The following MCTP1 variants were observed in gnomAD, a reference collection of about 807,000 sequenced individuals.
The protein encoded by MCTP1 is multiple C2 and transmembrane domain-containing protein 1.
Under a neutral mutation model 120.6 loss-of-function variants are expected in MCTP1, and 69 were observed. That is an observed-to-expected ratio of 0.57 (90% CI 0.47 to 0.70). MCTP1 has a LOEUF of 0.70. MCTP1 is among the 30% of genes least tolerant of loss of function. The pLI, the probability that MCTP1 is intolerant of heterozygous loss-of-function variation, is 0.00. For synonymous variants in MCTP1, 529 were observed against 493.1 expected, an observed-to-expected ratio of 1.07 and a Z score of -0.96; for missense variants, 1,203 against 1,248.8, an observed-to-expected ratio of 0.96 and a Z score of 0.55.
chr5:94,868,162 C>T (rs1797173290), intron 17 of MCTP1, 171 bp downstream of exon 17: 2 of 491,872 alleles, frequency 4.1e-6, no homozygotes, highest in South Asian at 1.3e-4. Flanking sequence ...TAGACTCAGA[C>T]CTTGTACAAT....
intron 1 of MCTP1, among the ~76,000 whole-genome samples, chr5:95,114,345 C>T (rs976471319): frequency 1.3e-5 from 2 of 152,226 alleles, no homozygotes; most frequent in Non-Finnish European, 2.9e-5. Flanking sequence ...ACCAAGCAGG[C>T]TATTGGGGTC....
intron 1 of MCTP1, among the ~76,000 whole-genome samples, chr5:95,177,800 G>A (rs943969966): frequency 6.6e-6 from 1 of 152,164 alleles, no homozygotes; most frequent in African/African-American, 2.4e-5. Context: ...AACCCAAGCT[G>A]GTTGAGATCA....
intron 1 of MCTP1, among the ~76,000 whole-genome samples, chr5:95,096,138 C>A (rs576083797): frequency 2.0e-5 from 3 of 152,186 alleles, no homozygotes; most frequent in Non-Finnish European, 4.4e-5. Flanking sequence ...ATTTGAAAAG[C>A]GCACACCAAT....
At chr5:95,030,933 G>A (rs376196774) in intron 1 of MCTP1, among the ~76,000 whole-genome samples, 3 of 151,476 alleles carry the variant, frequency 2.0e-5, no homozygotes, top group Admixed American at 6.6e-5. Flanking sequence ...AACAATTCAG[G>A]ATATGAAAGA....
intron 6 of MCTP1, among the ~76,000 whole-genome samples, chr5:94,928,634 T>A (rs1043810391): frequency 1.3e-5 from 2 of 152,184 alleles, no homozygotes; most frequent in Non-Finnish European, 2.9e-5. Context: ...ATAGAAAGTG[T>A]GCTTGTGGAA....
rs137855703 is a variant in MCTP1, at chr5:95,152,589, A to G, written c.720+131267T>C. ...AGTGAGTCTAGACCAGTTTAGCTTC[A>G]TTAACGAGGGTTATCGTTAAATTTG... On this transcript the variant is annotated intron_variant, in intron 1 of 22. Transcript: ENST00000515393. Among the ~76,000 whole-genome samples, 1,370 of 152,334 alleles carry G rather than the reference A, an allele frequency of 9.0e-3. 12 individuals carry two copies. Among genetic ancestry groups the G allele is most frequent in the Middle Eastern group, 0.027 (8 of 294 alleles).
At chr5:95,194,263 G>A (rs1750140897) in intron 1 of MCTP1, among the ~76,000 whole-genome samples, 1 of 151,980 alleles carries the variant, frequency 6.6e-6, no homozygotes, top group Admixed American at 6.6e-5. Context: ...AAAAAGAGAA[G>A]AGAAGAGAAA....
chr5:94,782,919 A>G (rs1250758282), intron 18 of MCTP1, among the ~76,000 whole-genome samples: 1 of 152,164 alleles, frequency 6.6e-6, no homozygotes, highest in Non-Finnish European at 1.5e-5. Context: ...GGAATATCAC[A>G]GATCGGCTCT....
intron 1 of MCTP1, among the ~76,000 whole-genome samples, chr5:95,187,869 T>C (rs1404553307): frequency 6.6e-6 from 1 of 152,050 alleles, no homozygotes; most frequent in African/African-American, 2.4e-5. Flanking sequence ...ACTGAAAGAG[T>C]ATAATTGGAT....
rs1034123979 is a variant in MCTP1, at chr5:95,147,710, T to C, written c.721-130226A>G. Among the ~76,000 whole-genome samples, 7 of 152,216 alleles carry C rather than the reference T, an allele frequency of 4.6e-5. No individual in the cohort carries two copies. The East Asian group carries it at 1.2e-3, about 25-fold the overall frequency. On this transcript the variant is annotated intron_variant, in intron 1 of 22. Transcript: ENST00000515393. Reference sequence around the variant, plus strand: ...TTAGATCATTTATATTCATGGTTAGTATTGACATGTAAGATTTTGATACTC... The same window carrying C: ...TTAGATCATTTATATTCATGGTTAGCATTGACATGTAAGATTTTGATACTC...
intron 2 of MCTP1, among the ~76,000 whole-genome samples, chr5:94,954,011 CAA>C (rs1491530746): frequency 3.0e-5 from 1 of 32,948 alleles, no homozygotes; most frequent in Non-Finnish European, 5.3e-5. Flanking sequence ...CATATATATA[CAA>C]ATATATATGC....
intron 1 of MCTP1, among the ~76,000 whole-genome samples, chr5:95,056,557 T>C (rs1236863076): frequency 1.3e-5 from 2 of 152,208 alleles, no homozygotes; most frequent in African/African-American, 4.8e-5. Context: ...ACTATAGATG[T>C]AATTTTCACC....
intron 10 of MCTP1, among the ~76,000 whole-genome samples, chr5:94,895,345 T>A (rs542412725): frequency 6.6e-6 from 1 of 152,348 alleles, no homozygotes; most frequent in South Asian, 2.1e-4. Flanking sequence ...CATAGTACTC[T>A]GTATAAACCG....
At chr5:94,872,455 T>G (rs1375267643) in intron 13 of MCTP1, among the ~76,000 whole-genome samples, 1 of 151,982 alleles carries the variant, frequency 6.6e-6, no homozygotes, top group Non-Finnish European at 1.5e-5. Flanking sequence ...ATTTCGCAGT[T>G]TTTCATATAC....
chr5:94,719,444 A>C lies in MCTP1; in HGVS notation c.2611-4558T>G, dbSNP rs578166824. On this transcript the variant is annotated intron_variant, in intron 19 of 22. Transcript: ENST00000515393. ...CAATGCATAAGTGATAGACTGGATGAAGAAAATGTGGTACATATATACCAT... is the reference window on the plus strand; with the variant it reads ...CAATGCATAAGTGATAGACTGGATGCAGAAAATGTGGTACATATATACCAT... 2.0e-5 allele frequency among the ~76,000 whole-genome samples: 3 copies of C among 152,368 alleles called. No homozygotes were observed. In the South Asian group the frequency reaches 6.2e-4, roughly 32 times the overall value.
At chr5:94,900,490 A>G (rs1372265437) in intron 10 of MCTP1, among the ~76,000 whole-genome samples, 1 of 152,174 alleles carries the variant, frequency 6.6e-6, no homozygotes, top group African/African-American at 2.4e-5. Flanking sequence ...TACCACTTCT[A>G]TATTGTCTCC....
At chr5:95,195,735 A>T (rs549442627) in intron 1 of MCTP1, among the ~76,000 whole-genome samples, 17 of 152,228 alleles carry the variant, frequency 1.1e-4, no homozygotes, top group African/African-American at 3.6e-4. Flanking sequence ...CTGAGATGTA[A>T]ACAATAATTC....
At chr5:94,990,043 C>G (rs1831223570) in intron 2 of MCTP1, among the ~76,000 whole-genome samples, 1 of 152,136 alleles carries the variant, frequency 6.6e-6, no homozygotes, top group East Asian at 1.9e-4. Context: ...GTGAACCTTT[C>G]TAGTGAATTA....
At chr5:94,767,891 A>G (rs558443765) in intron 19 of MCTP1, among the ~76,000 whole-genome samples, 1 of 152,320 alleles carries the variant, frequency 6.6e-6, no homozygotes, top group South Asian at 2.1e-4. Flanking sequence ...CTTCTGAGAA[A>G]TAGAAAAAAC....
Sources: gnomAD v4.1 joint callset for allele counts (sites outside exome capture counted in the v4.1 genomes callset) on GRCh38, gnomAD v4.1.1 for gene constraint, MANE v1.5 for transcripts, NCBI Gene and HGNC (gene_info 2026-07-23, HGNC 2026-07-21) for gene names.